The following TEX14 variants were observed in gnomAD, a reference collection of about 807,000 sequenced individuals.
TEX14 encodes the protein testis expressed 14, intercellular bridge forming factor.
A neutral mutation model predicts 178.6 loss-of-function variants in TEX14; 168 were observed. That is an observed-to-expected ratio of 0.94 (90% CI 0.83 to 1.07). The LOEUF (loss-of-function observed/expected upper bound fraction) is 1.07. Ranked by LOEUF, TEX14 falls within the 50% of genes least tolerant of loss-of-function variation. TEX14 has a pLI of 0.00. For synonymous variants in TEX14, 626 were observed against 634.1 expected, an observed-to-expected ratio of 0.99 and a Z score of 0.19; for missense variants, 1,730 against 1,753.6, an observed-to-expected ratio of 0.99 and a Z score of 0.24.
At chr17:58,566,169 T>C (rs758705547) in intron 26 of TEX14, among the ~76,000 whole-genome samples, 1 of 152,194 alleles carries the variant, frequency 6.6e-6, no homozygotes, top group Non-Finnish European at 1.5e-5. Flanking sequence ...ACATAACACT[T>C]GCAGAACCCC....
At chr17:58,607,529 C>T (rs534615845) in intron 10 of TEX14, among the ~76,000 whole-genome samples, 6 of 152,322 alleles carry the variant, frequency 3.9e-5, no homozygotes, top group Admixed American at 3.3e-4. Context: ...TGTCTCTAAC[C>T]AATCAATTGG....
At chr17:58,559,418 T>G in intron 30 of TEX14, 35 bp downstream of exon 30, 1 of 951,498 alleles carries the variant, frequency 1.1e-6, no homozygotes, top group Non-Finnish European at 1.7e-6. Flanking sequence ...GCCCAAGGAC[T>G]ACAGACTACA....
At chr17:58,681,911 G>GAACAAC (rs2047507526) in intron 1 of TEX14, among the ~76,000 whole-genome samples, 3 of 152,098 alleles carry the variant, frequency 2.0e-5, no homozygotes, top group Non-Finnish European at 2.9e-5. Flanking sequence ...AAGGGAAAAG[G>GAACAAC]TAATGTATGT....
chr17:58,595,980 T>C (rs1176981017), intron 14 of TEX14, among the ~76,000 whole-genome samples: 1 of 152,144 alleles, frequency 6.6e-6, no homozygotes, highest in Non-Finnish European at 1.5e-5. Flanking sequence ...GTCAGGAGTT[T>C]GAGACCAGCC....
intron 1 of TEX14, chr17:58,660,546 C>T: frequency 1.3e-6 from 1 of 769,860 alleles, no homozygotes; most frequent in Non-Finnish European, 2.4e-6. Context: ...GGAAGGTGTG[C>T]ACCCTGCAGT....
intron 1 of TEX14, among the ~76,000 whole-genome samples, chr17:58,673,484 A>AAAAT (rs76433652): frequency 0.35 from 50,466 of 143,264 alleles, 9,252 homozygotes; most frequent in Middle Eastern, 0.45. Context: ...CTCCATCTCA[A>AAAAT]AAATAAATAA....
intron 3 of TEX14, among the ~76,000 whole-genome samples, chr17:58,626,567 C>A (rs2144563610): frequency 2.8e-5 from 1 of 35,310 alleles, no homozygotes; most frequent in African/African-American, 1.4e-4. Flanking sequence ...GAGACTCCAT[C>A]TCAAAAAAAA....
chr17:58,674,544 C>A (rs1435985765), intron 1 of TEX14, among the ~76,000 whole-genome samples: 2 of 151,306 alleles, frequency 1.3e-5, no homozygotes, highest in Non-Finnish European at 2.9e-5. Flanking sequence ...GTGGCTCAGG[C>A]CTGTAATCCC....
At position 58,685,334 on chromosome 17, in the gene TEX14, G is replaced by T. The variant is rs149884228; in HGVS notation, c.-2+6605C>A. ...ACCTGTAATCCCAGCTACTCAGGAG[G>T]CTGAGGCAGGACAATCGCTTGAACG... On this transcript the variant is annotated intron_variant, in intron 1 of 31. Coordinates refer to ENST00000349033, the MANE Select transcript of TEX14 (RefSeq NM_031272.5). Among the ~76,000 whole-genome samples, 341 of 151,954 alleles carry T rather than the reference G, an allele frequency of 2.2e-3. 2 individuals carry two copies. The highest frequency in any genetic ancestry group is 0.017 in the Middle Eastern group (5 of 294).
At chr17:58,557,560 C>T (rs1292170717) in intron 31 of TEX14, among the ~76,000 whole-genome samples, 12 of 151,968 alleles carry the variant, frequency 7.9e-5, no homozygotes. Flanking sequence ...TATGAGCCAC[C>T]GTGCCTGGCC....
chr17:58,571,426 TG>T (rs1471244429), intron 24 of TEX14, among the ~76,000 whole-genome samples: 2 of 151,286 alleles, frequency 1.3e-5, no homozygotes, highest in African/African-American at 4.9e-5. Context: ...TTTGTAGAGA[TG>T]GGGTTTCGTC....
chr17:58,597,304 C>A (rs1309559883), intron 14 of TEX14, among the ~76,000 whole-genome samples: 1 of 152,056 alleles, frequency 6.6e-6, no homozygotes, highest in Non-Finnish European at 1.5e-5. Flanking sequence ...GAGGCTGAGG[C>A]AGGAGAATCG....
At position 58,629,752 on chromosome 17, in the gene TEX14, G is replaced by A. The variant is rs570229243; in HGVS notation, c.251+688C>T. On this transcript the variant is annotated intron_variant, in intron 3 of 31. Coordinates refer to ENST00000349033, the MANE Select transcript of TEX14 (RefSeq NM_031272.5). ...CAGGAGGCTGAGGCAGGAGAATGGCGTGAACTCGGGAGGCAGAGCTTGCAG... is the reference window on the plus strand; with the variant it reads ...CAGGAGGCTGAGGCAGGAGAATGGCATGAACTCGGGAGGCAGAGCTTGCAG... Among the ~76,000 whole-genome samples the A allele has an allele frequency of 1.7e-4, 25 of 149,496 alleles. No homozygotes were observed. The East Asian group carries it at 3.1e-3, about 18-fold the overall frequency.
intron 1 of TEX14, among the ~76,000 whole-genome samples, chr17:58,659,991 C>T (rs1319004273): frequency 6.6e-6 from 1 of 151,766 alleles, no homozygotes; most frequent in Non-Finnish European, 1.5e-5. Flanking sequence ...GCCACCGCGC[C>T]TGGCCCTCAG....
chr17:58,586,160 T>A (rs2044967748), intron 17 of TEX14, 78 bp from the exon 18 acceptor site: 3 of 1,419,824 alleles, frequency 2.1e-6, no homozygotes, highest in Non-Finnish European at 2.9e-6. Context: ...AAGAAATACA[T>A]AATACTATTA....
intron 3 of TEX14, among the ~76,000 whole-genome samples, chr17:58,627,063 T>C (rs1166568973): frequency 6.6e-6 from 1 of 152,174 alleles, no homozygotes; most frequent in East Asian, 1.9e-4. Context: ...TATTGTCCCT[T>C]TCCACTTCCT....
chr17:58,663,537 G>C (rs1330464939), intron 1 of TEX14, among the ~76,000 whole-genome samples: 2 of 151,186 alleles, frequency 1.3e-5, no homozygotes, highest in Non-Finnish European at 2.9e-5. Flanking sequence ...CATGATCTTG[G>C]CTCACGGCAA....
chr17:58,615,521 T>A (rs902643381), intron 7 of TEX14, among the ~76,000 whole-genome samples, 176 bp from the exon 8 acceptor site: 1 of 152,150 alleles, frequency 6.6e-6, no homozygotes. Flanking sequence ...TAAAGCACCC[T>A]GGAGAACTTA....
chr17:58,559,537 CT>C lies in TEX14; in HGVS notation c.4182del (p.Val1395LeufsTer23). ...TCCCTTTTTCTTTTCTCTTCACCAA[CT>C]TTTTGATCTTTGATATTTGTCTCCC... ...SERETNIKDQ[K>X]VGEEKRKRED... On this transcript the variant is annotated frameshift_variant, in exon 30 of 32. Transcript: ENST00000349033. LOFTEE classifies it high-confidence loss of function. 2 of 1,561,970 alleles carry C rather than the reference CT, an allele frequency of 1.3e-6. No individual in the cohort carries two copies. The highest frequency in any genetic ancestry group is 1.1e-5 in the South Asian group (1 of 89,358).
Sources: gnomAD v4.1 joint callset for allele counts (sites outside exome capture counted in the v4.1 genomes callset) on GRCh38, gnomAD v4.1.1 for gene constraint, MANE v1.5 for transcripts, NCBI Gene and HGNC (gene_info 2026-07-23, HGNC 2026-07-21) for gene names.